The following PCDHB11 variants were observed in gnomAD, a reference collection of about 807,000 sequenced individuals.
PCDHB11 encodes protocadherin beta 11, also known as protocadherin beta-11.
For synonymous variants in PCDHB11, 522 were observed against 442.0 expected (o/e 1.18, Z -2.27); for missense variants, 1,151 against 1,003.4 (o/e 1.15, Z -1.99).
rs1554285323 is a variant in PCDHB11 at position 141,200,563 on chromosome 5, T to G, written c.789T>G (p.Ile263Met). ...ENSILGSLIL[I>M]VSAWDLDSGT... The stretch of plus-strand genomic sequence containing the variant: ...GCATCCTTGGCTCGCTGATTTTGAT[T>G]GTCTCAGCTTGGGATTTAGACTCTG... Residue 263 changes from isoleucine to methionine, a missense_variant, in exon 1 of 1, where the codon ATT becomes ATG. By Grantham distance (10) the Ile-to-Met change is conservative. Coordinates refer to ENST00000354757, the MANE Select transcript of PCDHB11 (RefSeq NM_018931.3). 1 of 1,614,238 alleles carries G rather than the reference T, an allele frequency of 6.2e-7. No homozygotes were observed.
rs781916425 is a variant in PCDHB11 at position 141,200,654 on chromosome 5, A to G, written c.880A>G (p.Ile294Val). 1 of 1,614,242 alleles carries G rather than the reference A, an allele frequency of 6.2e-7. No individual in the cohort carries two copies. The highest frequency in any genetic ancestry group is 2.2e-5 in the East Asian group (1 of 44,888). The change falls in exon 1 of 1, where the codon ATT (isoleucine) becomes GTT (valine). Residue 294 changes from isoleucine to valine, a missense_variant. Coordinates refer to ENST00000354757, the MANE Select transcript of PCDHB11 (RefSeq NM_018931.3). ...AGAAGATATTCGCAAGACATTTGAA[A>G]TTAATCAAAAGTCTGGAGAAATTAC... The part of the protein sequence containing the change: ...ASEDIRKTFE[I>V]NQKSGEITLR...
Position 141,201,841 on chromosome 5 carries a change from C to A in PCDHB11, c.2067C>A (p.Tyr689Ter), listed in dbSNP as rs1754205227. Residue 689 changes from tyrosine (Y) to a stop codon, truncating the protein, a stop_gained, in exon 1 of 1, where the codon TAC (tyrosine) becomes TAA (stop). Coordinates refer to ENST00000354757, the MANE Select transcript of PCDHB11 (RefSeq NM_018931.3). LOFTEE classifies it low-confidence loss of function (END_TRUNC). The stretch of plus-strand genomic sequence containing the variant: ...CCCAGGCCGACTCGCTCACCGTCTA[C>A]TTGGTGGTGGCGTTGGCCTCGGTGT... ...AQAQADSLTV[Y>*]LVVALASVSS... is the part of the protein sequence containing the mutation. 1 of 1,611,196 alleles carries A rather than the reference C, an allele frequency of 6.2e-7. No homozygotes were observed. Among genetic ancestry groups the A allele is most frequent in the Non-Finnish European group, 8.5e-7 (1 of 1,179,860 alleles).
In PCDHB11 at chr5:141,200,330, C is replaced by A; in HGVS notation, c.556C>A (p.Pro186Thr). Residue 186 changes from proline (P) to threonine (T), a missense_variant, in exon 1 of 1, where the codon CCA (proline) becomes ACA (threonine). Transcript: ENST00000354757. ...SHFHIKMRVI[P>T]DNRKYPELVL... ...TTTTCACATTAAAATGAGAGTCATT[C>A]CAGACAATAGGAAATACCCCGAGTT... is the stretch of plus-strand genomic sequence containing the variant. 1 of 1,614,122 alleles carries A rather than the reference C, an allele frequency of 6.2e-7. No homozygotes were observed. Among genetic ancestry groups the A allele is most frequent in the Non-Finnish European group, 8.5e-7 (1 of 1,180,018 alleles).
In PCDHB11 at chr5:141,201,236, T is replaced by C. The variant is rs782104008; in HGVS notation, c.1462T>C (p.Tyr488His). ...CTCAGGCACCAACGCCCAGGTCAAC[T>C]ACTCGCTACTCCCGCCCCAGGACCT... The part of the protein sequence containing the change: ...RDSGTNAQVN[Y>H]SLLPPQDLHL... The change falls in exon 1 of 1, where the codon TAC becomes CAC. Residue 488 changes from tyrosine to histidine, a missense_variant. Physicochemically the swap from Tyr to His is moderately conservative, Grantham distance 83. Transcript: ENST00000354757. 3.1e-6 allele frequency: 5 copies of C among 1,613,236 alleles called. No individual in the cohort carries two copies. The highest frequency in any genetic ancestry group is 4.2e-6 in the Non-Finnish European group (5 of 1,180,036).
Position 141,202,298 on chromosome 5 carries a change from C to A in PCDHB11, c.*130C>A. The A allele has an allele frequency of 2.1e-6, 2 of 967,070 alleles. No homozygotes were observed. Among genetic ancestry groups the A allele is most frequent in the South Asian group, 2.0e-5 (1 of 50,360 alleles). The allele number at this position is 967,070 out of a possible 1,614,324, so 59.9% of individuals were successfully genotyped here. A position where few individuals can be genotyped will look rare whatever the true frequency, so the allele number is the denominator to read the frequency against. ...TATTTTTAATTTTTTCTTTTCTCCC[C>A]CAATTTTTTTTTTTTTTTTGAGACC... On this transcript the variant is annotated 3_prime_UTR_variant, in exon 1 of 1. Transcript: ENST00000354757.
rs782795237 is a variant in PCDHB11 at position 141,201,958 on chromosome 5, T to C, written c.2184T>C (p.Pro728=). 10 of 1,613,900 alleles carry C rather than the reference T, an allele frequency of 6.2e-6. No homozygotes were observed. The highest frequency in any genetic ancestry group is 2.7e-5 in the African/African-American group (2 of 74,860). Residue 728 remains proline, a synonymous_variant, in exon 1 of 1, where the codon CCT becomes CCC. Transcript: ENST00000354757. ...CCTCGGTGGGAAGCTGCTCGGTGCC[T>C]AAGGGCCCCTTTCCAGGGCATCTGG... ...RAASVGSCSV[P]KGPFPGHLVD...
rs782507853 is a variant in PCDHB11, at chr5:141,200,422, T to G, written c.648T>G (p.Asp216Glu). 3.1e-6 allele frequency: 5 copies of G among 1,614,136 alleles called. No individual in the cohort carries two copies. In the East Asian group the frequency reaches 1.1e-4, roughly 36 times the overall value. The change falls in exon 1 of 1, where the codon GAT (aspartate) becomes GAG (glutamate). Residue 216 changes from aspartate (D) to glutamate (E), a missense_variant. Coordinates refer to ENST00000354757, the MANE Select transcript of PCDHB11 (RefSeq NM_018931.3). Reference sequence around the variant, plus strand: ...TCAGTTTCATCCTCTCTGCTCTGGATGGTGGGTCCCCTCCCAGGTCTGGAA... The same window carrying G: ...TCAGTTTCATCCTCTCTGCTCTGGAGGGTGGGTCCCCTCCCAGGTCTGGAA... ...PELSFILSAL[D>E]GGSPPRSGTA...
rs574874049 is a variant in PCDHB11, at chr5:141,199,680, T to A, written c.-95T>A. ...TGACCTGGAAACCATTCAACAGGGT[T>A]AAAATCCTTAGACCACAGAGGATTT... On this transcript the variant is annotated 5_prime_UTR_variant, in exon 1 of 1. Coordinates refer to ENST00000354757, the MANE Select transcript of PCDHB11 (RefSeq NM_018931.3). The A allele has an allele frequency of 8.9e-7, 1 of 1,124,996 alleles. No homozygotes were observed. The highest frequency in any genetic ancestry group is 1.6e-5 in the African/African-American group (1 of 63,742). 69.7% of individuals were successfully genotyped at this position (1,124,996 alleles called of 1,614,324 possible).
Position 141,201,421 on chromosome 5 carries a change from G to C in PCDHB11, c.1647G>C (p.Val549=), listed in dbSNP as rs539048166. The part of the protein sequence containing the change: ...PALSSEALVR[V]LVLDANDNSP... ...TGAGCAGCGAGGCGCTGGTGCGCGT[G>C]CTGGTGCTGGACGCCAACGACAACT... Residue 549 remains valine (V), a synonymous_variant, in exon 1 of 1, where the codon GTG becomes GTC. Coordinates refer to ENST00000354757, the MANE Select transcript of PCDHB11 (RefSeq NM_018931.3). 10 of 1,611,684 alleles carry C rather than the reference G, an allele frequency of 6.2e-6. No individual in the cohort carries two copies. The highest frequency in any genetic ancestry group is 2.2e-5 in the East Asian group (1 of 44,888).
At position 141,202,188 on chromosome 5, in the gene PCDHB11, T is replaced by C; in HGVS notation, c.*20T>C. 1 of 1,561,714 alleles carries C rather than the reference T, an allele frequency of 6.4e-7. No homozygotes were observed. Among genetic ancestry groups the C allele is most frequent in the Non-Finnish European group, 8.7e-7 (1 of 1,153,300 alleles). On this transcript the variant is annotated 3_prime_UTR_variant, in exon 1 of 1. Transcript: ENST00000354757. ...TTTTAGTAAGAATGCTATTTACATT[T>C]GCATGTACTTTTTTAGTTTTATGTA...
In PCDHB11 at chr5:141,203,437, T is replaced by C. The variant is rs1369033035; in HGVS notation, c.*1269T>C. ...GATCCTAACCACCTGTGTATTGTAG[T>C]TTCTTCATGGGAGAAGTCATATCTG... On this transcript the variant is annotated 3_prime_UTR_variant, in exon 1 of 1. Transcript: ENST00000354757. 1 of 152,250 alleles carries C rather than the reference T, an allele frequency of 6.6e-6. No homozygotes were observed. The highest frequency in any genetic ancestry group is 2.4e-5 in the African/African-American group (1 of 41,464). 9.4% of individuals were successfully genotyped at this position (152,250 alleles called of 1,614,324 possible). A position where few individuals can be genotyped will look rare whatever the true frequency, so the allele number is the denominator to read the frequency against.
In PCDHB11 at chr5:141,200,817, C is replaced by A; in HGVS notation, c.1043C>A (p.Thr348Asn). The change falls in exon 1 of 1, where the codon ACT (threonine) becomes AAT (asparagine). Residue 348 changes from threonine (T) to asparagine (N), a missense_variant. Thr to Asn is a moderately conservative substitution (Grantham distance 65, BLOSUM62 0). Coordinates refer to ENST00000354757, the MANE Select transcript of PCDHB11 (RefSeq NM_018931.3). The part of the protein sequence containing the change: ...IDVNDNAPEI[T>N]VSSITSPIPE... ...GTAAATGACAATGCTCCTGAAATCA[C>A]TGTGTCATCAATTACCAGTCCAATC... 6.2e-7 allele frequency: 1 copy of A among 1,614,212 alleles called. No homozygotes were observed. Among genetic ancestry groups the A allele is most frequent in the Non-Finnish European group, 8.5e-7 (1 of 1,180,032 alleles).
rs1022601376 is a variant in PCDHB11 at position 141,202,204 on chromosome 5, G to A, written c.*36G>A. On this transcript the variant is annotated 3_prime_UTR_variant, in exon 1 of 1. Transcript: ENST00000354757. ...ATTTACATTTGCATGTACTTTTTTA[G>A]TTTTATGTAACCATATCAATATTAT... The A allele has an allele frequency of 1.3e-6, 2 of 1,511,644 alleles. No individual in the cohort carries two copies. The highest frequency in any genetic ancestry group is 1.8e-6 in the Non-Finnish European group (2 of 1,117,776). The allele number at this position is 1,511,644 out of a possible 1,614,324, so 93.6% of individuals were successfully genotyped here.
rs1554285602 is a variant in PCDHB11 at position 141,201,412 on chromosome 5, G to C, written c.1638G>C (p.Leu546=). ...RGSPALSSEA[L]VRVLVLDAND... is the part of the protein sequence containing the mutation. ...CCCCGGCTTTGAGCAGCGAGGCGCT[G>C]GTGCGCGTGCTGGTGCTGGACGCCA... Residue 546 remains leucine, a synonymous_variant, in exon 1 of 1, where the codon CTG becomes CTC. Coordinates refer to ENST00000354757, the MANE Select transcript of PCDHB11 (RefSeq NM_018931.3). The C allele has an allele frequency of 1.9e-6, 3 of 1,611,650 alleles. No individual in the cohort carries two copies. Among genetic ancestry groups the C allele is most frequent in the Non-Finnish European group, 2.5e-6 (3 of 1,179,692 alleles).
In PCDHB11 at chr5:141,202,920, T is replaced by C. The variant is rs1004618848; in HGVS notation, c.*752T>C. The C allele has an allele frequency of 2.6e-5, 4 of 152,104 alleles. No homozygotes were observed. Among genetic ancestry groups the C allele is most frequent in the Non-Finnish European group, 4.4e-5 (3 of 68,022 alleles). 9.4% of individuals were successfully genotyped at this position (152,104 alleles called of 1,614,324 possible). A position where few individuals can be genotyped will look rare whatever the true frequency, so the allele number is the denominator to read the frequency against. On this transcript the variant is annotated 3_prime_UTR_variant, in exon 1 of 1. Transcript: ENST00000354757. ...CAGGCCTATTTTCAATTTTCAAGTA[T>C]TGCATATCATTGTGAATAACATTGT...
In PCDHB11 at chr5:141,200,135, C is replaced by T; in HGVS notation, c.361C>T (p.Leu121Phe). ...QNPTQFLQIE[L>F]QVRDINDHSP... ...CCCCACGCAGTTTTTACAAATTGAG[C>T]TTCAGGTCAGGGATATAAATGATCA... Residue 121 changes from leucine to phenylalanine, a missense_variant, in exon 1 of 1, where the codon CTT (leucine) becomes TTT (phenylalanine). Coordinates refer to ENST00000354757, the MANE Select transcript of PCDHB11 (RefSeq NM_018931.3). 6.2e-7 allele frequency: 1 copy of T among 1,614,092 alleles called. No homozygotes were observed. The highest frequency in any genetic ancestry group is 8.5e-7 in the Non-Finnish European group (1 of 1,180,026).
In PCDHB11 at chr5:141,199,630, C is replaced by A; in HGVS notation, c.-145C>A. ...CCAGTGCACACAGAGAATCAGAAGA[C>A]AGAAACAACAAGCCTTCAAGAGGGT... On this transcript the variant is annotated 5_prime_UTR_variant, in exon 1 of 1. Transcript: ENST00000354757. 1 of 658,682 alleles carries A rather than the reference C, an allele frequency of 1.5e-6. No individual in the cohort carries two copies. Among genetic ancestry groups the A allele is most frequent in the Non-Finnish European group, 2.6e-6 (1 of 390,012 alleles). The allele number at this position is 658,682 out of a possible 1,614,324, so 40.8% of individuals were successfully genotyped here.
rs781795768 is a variant in PCDHB11, at chr5:141,200,210, A to T, written c.436A>T (p.Ser146Cys). ...KQMLLEIPENSPVGAVFLLES... is the reference protein window; with the variant it reads ...KQMLLEIPENCPVGAVFLLES... ...AATGCTCCTAGAAATCCCAGAGAAC[A>T]GTCCCGTTGGTGCTGTGTTCTTACT... The change falls in exon 1 of 1, where the codon AGT (serine) becomes TGT (cysteine). Residue 146 changes from serine (S) to cysteine (C), a missense_variant. By Grantham distance (112) the Ser-to-Cys change is moderately radical (BLOSUM62 -1). Transcript: ENST00000354757. The T allele has an allele frequency of 3.7e-5, 60 of 1,614,098 alleles. No individual in the cohort carries two copies. Among genetic ancestry groups the T allele is most frequent in the Non-Finnish European group, 5.0e-5 (59 of 1,180,056 alleles).
At position 141,202,763 on chromosome 5, in the gene PCDHB11, C is replaced by T. The variant is rs1167821085; in HGVS notation, c.*595C>T. ...AGTAGCTGGGACTACAGGCGTGCGC[C>T]ACCATGCCCGGCTACTTCTTGTATT... On this transcript the variant is annotated 3_prime_UTR_variant, in exon 1 of 1. Transcript: ENST00000354757. 2 of 152,176 alleles carry T rather than the reference C, an allele frequency of 1.3e-5. No homozygotes were observed. The highest frequency in any genetic ancestry group is 4.8e-5 in the African/African-American group (2 of 41,416). The allele number at this position is 152,176 out of a possible 1,614,324, so 9.4% of individuals were successfully genotyped here. A position where few individuals can be genotyped will look rare whatever the true frequency, so the allele number is the denominator to read the frequency against.
Sources: allele counts gnomAD v4.1 joint callset, GRCh38; gene constraint gnomAD v4.1.1; transcripts MANE v1.5; gene names NCBI Gene and HGNC (gene_info 2026-07-23, HGNC 2026-07-21).